MSI2: variants seen among roughly 807,000 people sequenced by gnomAD.
MSI2 encodes the protein RNA-binding protein Musashi homolog 2.
MSI2 carries 17 observed loss-of-function variants against 45.6 expected under a neutral mutation model. The observed-to-expected ratio is 0.37, with a 90% confidence interval of 0.26 to 0.56. The LOEUF is 0.56. Among genes scored for constraint, MSI2 ranks in the 20% least tolerant of loss-of-function variants. The probability of loss-of-function intolerance (pLI) is 0.77; values close to 1 mark genes in which losing one functional copy is unlikely to be tolerated. For missense variants in MSI2, 293 were observed against 444.2 expected (o/e 0.66, Z 3.06); for synonymous variants, 156 against 158.2 (o/e 0.99, Z 0.11).
intron 5 of MSI2, among the ~76,000 whole-genome samples, chr17:57,314,826 T>C (rs138115263): frequency 6.6e-6 from 1 of 152,260 alleles, no homozygotes; most frequent in East Asian, 1.9e-4. Flanking sequence ...CGCCTCGGTC[T>C]CCCAAAGTGC....
At chr17:57,267,201 TGTG>T (rs1386711062) in intron 5 of MSI2, 1 of 152,284 alleles carries the variant, frequency 6.6e-6, no homozygotes, top group Non-Finnish European at 1.5e-5. Flanking sequence ...CCAGCGAGGA[TGTG>T]GTGGTGTGTC....
intron 4 of MSI2, among the ~76,000 whole-genome samples, chr17:57,261,444 T>A (rs1036928613): frequency 6.6e-6 from 1 of 152,168 alleles, no homozygotes; most frequent in Non-Finnish European, 1.5e-5. Context: ...TCCCTGTTGT[T>A]TTTAAAATCC....
intron 6 of MSI2, among the ~76,000 whole-genome samples, chr17:57,528,519 A>G (rs191725470): frequency 6.6e-6 from 1 of 152,326 alleles, no homozygotes; most frequent in East Asian, 1.9e-4. Context: ...GCATCAGTGT[A>G]TTTGTTTGCT....
chr17:57,341,335 TG>T (rs1915136513), intron 5 of MSI2, among the ~76,000 whole-genome samples: 2 of 152,348 alleles, frequency 1.3e-5, no homozygotes, highest in Admixed American at 1.3e-4. Context: ...CCTACCCACC[TG>T]CATTTAAAAG....
intron 6 of MSI2, among the ~76,000 whole-genome samples, chr17:57,447,363 C>T (rs535655800): frequency 5.3e-5 from 8 of 152,342 alleles, no homozygotes; most frequent in South Asian, 2.1e-4. Context: ...CTCAGCCTCC[C>T]GAGTAACTGG....
chr17:57,266,810 T>C (rs1277114535), intron 5 of MSI2: 3 of 152,282 alleles, frequency 2.0e-5, no homozygotes, highest in African/African-American at 7.2e-5. Flanking sequence ...GCCTGCTTTT[T>C]TCACCGTGGA....
intron 11 of MSI2, among the ~76,000 whole-genome samples, chr17:57,666,288 T>C (rs559661409): frequency 6.6e-6 from 1 of 152,368 alleles, no homozygotes; most frequent in East Asian, 1.9e-4. Context: ...ATTTCCTAGC[T>C]GTTCAAACCC....
chr17:57,407,900 TTTGCC>T lies in MSI2; in HGVS notation c.405+6430_405+6434del, dbSNP rs1464976807. Among the ~76,000 whole-genome samples the T allele has an allele frequency of 1.3e-3, 205 of 152,330 alleles. 2 individuals carry two copies. Among genetic ancestry groups the T allele is most frequent in the Admixed American group, 3.2e-3 (49 of 15,308 alleles). ...TGTGTCATAAGGGGAGGGGACTTTA[TTTGCC>T]CCCTGACCCCTGGCCAAGCTGCTCA... On this transcript the variant is annotated intron_variant, in intron 6 of 13. Coordinates refer to ENST00000284073, the MANE Select transcript of MSI2 (RefSeq NM_138962.4). The surrounding 1 kb of genome is among the most constrained non-coding windows in gnomAD (Gnocchi z 4.1).
intron 9 of MSI2, among the ~76,000 whole-genome samples, chr17:57,619,934 G>T (rs758144225): frequency 2.0e-5 from 3 of 152,186 alleles, no homozygotes; most frequent in Non-Finnish European, 2.9e-5. Context: ...TATAACCTCC[G>T]CAGCCCCACC....
intron 6 of MSI2, among the ~76,000 whole-genome samples, chr17:57,463,240 A>G (rs1598298607): frequency 6.6e-6 from 1 of 152,186 alleles, no homozygotes; most frequent in Non-Finnish European, 1.5e-5. Flanking sequence ...GTGGGGCTGG[A>G]CCTTCCAGCA....
chr17:57,425,400 A>G (rs1403588622), intron 6 of MSI2, among the ~76,000 whole-genome samples: 1 of 152,272 alleles, frequency 6.6e-6, no homozygotes, highest in Admixed American at 6.5e-5. Flanking sequence ...ACCATGAGAT[A>G]ACCCACAGTA....
chr17:57,460,204 G>T (rs924949900), intron 6 of MSI2, among the ~76,000 whole-genome samples: 35 of 151,704 alleles, frequency 2.3e-4, no homozygotes, highest in Non-Finnish European at 2.9e-5. Flanking sequence ...CATGCCTGTA[G>T]TCCCAGCTAC....
chr17:57,312,081 G>C lies in MSI2; in HGVS notation c.312+49889G>C, dbSNP rs374970273. Among the ~76,000 whole-genome samples the C allele has an allele frequency of 9.2e-5, 14 of 152,306 alleles. No homozygotes were observed. The East Asian group carries it at 2.5e-3, about 27-fold the overall frequency. ...AAGGGTGATCACTGTGTTCAGGTCG[G>C]AGACAGAGCACAGTCCCAGCAGCCG... On this transcript the variant is annotated intron_variant, in intron 5 of 13. Coordinates refer to ENST00000284073, the MANE Select transcript of MSI2 (RefSeq NM_138962.4).
chr17:57,674,397 C>A (rs1209403975), intron 11 of MSI2, among the ~76,000 whole-genome samples: 5 of 151,114 alleles, frequency 3.3e-5, no homozygotes, highest in Non-Finnish European at 5.9e-5. Context: ...AACACACACA[C>A]AAAAAAAGAT....
chr17:57,437,208 C>G (rs865815739), intron 6 of MSI2, among the ~76,000 whole-genome samples: 1 of 152,148 alleles, frequency 6.6e-6, no homozygotes, highest in East Asian at 1.9e-4. Flanking sequence ...TTATTTTATT[C>G]CCCATCCTAA....
rs1485600336 is a variant in MSI2, at chr17:57,632,257, C to T, written c.727+4954C>T. 15 of 1,081,942 alleles carry T rather than the reference C, an allele frequency of 1.4e-5. No homozygotes were observed. In the East Asian group the frequency reaches 1.4e-4, roughly 10 times the overall value. The allele number at this position is 1,081,942 out of a possible 1,614,324, so 67.0% of individuals were successfully genotyped here. A position where few individuals can be genotyped will look rare whatever the true frequency, so the allele number is the denominator to read the frequency against. ...TGGTGGTCCAGAGGGGTTGCAGATA[C>T]GTGACTTGGAGCACCCGTGTCTTAC... On this transcript the variant is annotated intron_variant, in intron 10 of 13. Transcript: ENST00000284073.
intron 11 of MSI2, among the ~76,000 whole-genome samples, chr17:57,672,162 C>T (rs182633246): frequency 4.6e-5 from 7 of 152,300 alleles, no homozygotes; most frequent in East Asian, 1.9e-4. Context: ...GCTCCGGCAC[C>T]GTGATGAGCA....
chr17:57,301,179 G>A (rs1434887899), intron 5 of MSI2, among the ~76,000 whole-genome samples: 1 of 152,184 alleles, frequency 6.6e-6, no homozygotes, highest in Non-Finnish European at 1.5e-5. Flanking sequence ...AATAAATCTT[G>A]CTTTGTGGTA....
At chr17:57,419,026 G>C (rs551346271) in intron 6 of MSI2, among the ~76,000 whole-genome samples, 94 of 152,130 alleles carry the variant, frequency 6.2e-4, no homozygotes, top group Non-Finnish European at 1.2e-3. Context: ...GTGGTCACGT[G>C]GGCTGAGGTT....
Sources: gnomAD v4.1 joint callset for allele counts (sites outside exome capture counted in the v4.1 genomes callset) on GRCh38, gnomAD v4.1.1 for gene constraint, Gnocchi (gnomAD v3.1) non-coding constraint, MANE v1.5 for transcripts, NCBI Gene and HGNC (gene_info 2026-07-23, HGNC 2026-07-21) for gene names.